The following ATXN7 variants were observed in gnomAD, a reference collection of about 807,000 sequenced individuals.
ATXN7 encodes ataxin-7.
A neutral mutation model predicts 70.5 loss-of-function variants in ATXN7; 12 were observed. The ratio of observed to expected loss-of-function variants is 0.17; its 90% CI spans 0.11 to 0.28. The LOEUF is 0.28. ATXN7 is among the 10% of genes least tolerant of loss of function. The probability of loss-of-function intolerance (pLI) is 1.00; values close to 1 mark genes in which losing one functional copy is unlikely to be tolerated. For synonymous variants in ATXN7, 498 were observed against 448.7 expected (o/e 1.11, Z -1.39); for missense variants, 1,256 against 1,131.7 (o/e 1.11, Z -1.58).
intron 1 of ATXN7, among the ~76,000 whole-genome samples, chr3:63,867,750 G>T (rs1030198732): frequency 6.6e-6 from 1 of 151,976 alleles, no homozygotes; most frequent in African/African-American, 2.4e-5. Flanking sequence ...AATTATCTAG[G>T]CGTGGTGGTG....
In ATXN7 at chr3:63,890,669, G is replaced by A. The variant is rs13067191; in HGVS notation, c.-110-7730G>A. Among the ~76,000 whole-genome samples the A allele has an allele frequency of 3.4e-3, 523 of 152,280 alleles. 1 individual carries two copies. Among genetic ancestry groups the A allele is most frequent in the Non-Finnish European group, 5.3e-3 (362 of 68,020 alleles). ...TAGTATACCTTCAATAAATTGTAGC[G>A]GTTGCTGTTGGTAATGAAAATTATG... On this transcript the variant is annotated intron_variant, in intron 1 of 12. Transcript: ENST00000674280.
At chr3:63,999,265 G>A (rs981829849) in intron 12 of ATXN7, 185 bp from the exon 13 acceptor site, 3 of 589,700 alleles carry the variant, frequency 5.1e-6, no homozygotes, top group Non-Finnish European at 9.1e-6. Flanking sequence ...ATTGTGCCCA[G>A]TAGTAGTGAA....
At chr3:63,912,420 C>CG (rs1487779248) in intron 2 of ATXN7, among the ~76,000 whole-genome samples, 168 bp from the exon 3 acceptor site, 3 of 149,982 alleles carry the variant, frequency 2.0e-5, no homozygotes, top group East Asian at 2.0e-4. Flanking sequence ...GAGCCCGGGG[C>CG]GGGGGGTGGC....
intron 5 of ATXN7, chr3:63,968,063 C>A: frequency 9.2e-7 from 1 of 1,081,510 alleles, no homozygotes; most frequent in Non-Finnish European, 1.4e-6. Flanking sequence ...TAGGTCTTTG[C>A]TAACCTTACA....
chr3:63,954,769 C>T (rs1158125478), intron 5 of ATXN7, among the ~76,000 whole-genome samples: 11 of 136,070 alleles, frequency 8.1e-5, no homozygotes, highest in Admixed American at 5.0e-4. Flanking sequence ...AGTGTAGTGG[C>T]GCCATCTCGG....
At chr3:63,974,704 T>C (rs545284319) in intron 5 of ATXN7, among the ~76,000 whole-genome samples, 1 of 152,372 alleles carries the variant, frequency 6.6e-6, no homozygotes, top group Non-Finnish European at 1.5e-5. Flanking sequence ...ATGTGGTTTC[T>C]ACACAGTACA....
At chr3:63,877,028 A>G (rs1466928799) in intron 1 of ATXN7, among the ~76,000 whole-genome samples, 1 of 152,228 alleles carries the variant, frequency 6.6e-6, no homozygotes, top group Admixed American at 6.5e-5. Context: ...CTTAAATTCA[A>G]TTTAGCATTC....
intron 1 of ATXN7, among the ~76,000 whole-genome samples, chr3:63,896,922 T>C (rs573952803): frequency 2.0e-4 from 31 of 152,196 alleles, no homozygotes; most frequent in Non-Finnish European, 3.5e-4. Context: ...AGATGGAAAA[T>C]TGAAAAATGG....
chr3:63,990,949 T>C (rs185091893), intron 11 of ATXN7, 90 bp downstream of exon 11: 18 of 1,588,766 alleles, frequency 1.1e-5, no homozygotes, highest in Middle Eastern at 1.7e-4. Context: ...TATGAAGATA[T>C]GCTTATCTAA....
At chr3:63,932,605 A>T (rs529024409) in intron 4 of ATXN7, among the ~76,000 whole-genome samples, 1 of 152,246 alleles carries the variant, frequency 6.6e-6, no homozygotes, top group Non-Finnish European at 1.5e-5. Flanking sequence ...ACAGTGTTGT[A>T]TTTGCCTAAG....
intron 5 of ATXN7, among the ~76,000 whole-genome samples, chr3:63,960,258 G>T (rs2075105903): frequency 1.3e-5 from 2 of 152,294 alleles, no homozygotes; most frequent in South Asian, 4.1e-4. Flanking sequence ...CAGTGAGGAG[G>T]CCTAAGGACA....
chr3:63,892,437 C>T (rs1032390802), intron 1 of ATXN7, among the ~76,000 whole-genome samples: 2 of 147,556 alleles, frequency 1.4e-5, no homozygotes, highest in Non-Finnish European at 3.0e-5. Flanking sequence ...AACAGGAGTA[C>T]TGGACTTTAA....
At chr3:63,968,052 G>A in intron 5 of ATXN7, 1 of 1,202,442 alleles carries the variant, frequency 8.3e-7, no homozygotes, top group Non-Finnish European at 1.2e-6. Flanking sequence ...GGACGGTGGG[G>A]TAGGTCTTTG....
At chr3:63,998,070 G>C (rs1043771257) in intron 12 of ATXN7, 2 of 985,248 alleles carry the variant, frequency 2.0e-6, no homozygotes, top group Admixed American at 1.2e-4. Context: ...CTTTGAGAGA[G>C]ACATGATCCC....
intron 9 of ATXN7, 74 bp from the exon 10 acceptor site, chr3:63,990,102 C>A: frequency 6.9e-7 from 1 of 1,451,344 alleles, no homozygotes. Context: ...TTTGGACACA[C>A]TGTTGTATCT....
chr3:63,966,623 C>T (rs1357168933), intron 5 of ATXN7, among the ~76,000 whole-genome samples: 2 of 152,096 alleles, frequency 1.3e-5, no homozygotes, highest in South Asian at 2.1e-4. Flanking sequence ...GTATTGTTGA[C>T]ATGGGTTGGG....
intron 4 of ATXN7, among the ~76,000 whole-genome samples, chr3:63,951,055 G>C (rs1303607339): frequency 1.3e-5 from 2 of 152,060 alleles, no homozygotes; most frequent in Non-Finnish European, 2.9e-5. Flanking sequence ...TTCTTTAGAG[G>C]GGGGATATAA....
At chr3:63,896,527 AG>A (rs1339309696) in intron 1 of ATXN7, among the ~76,000 whole-genome samples, 1 of 152,214 alleles carries the variant, frequency 6.6e-6, no homozygotes, top group Non-Finnish European at 1.5e-5. Flanking sequence ...CTTGTTGGCT[AG>A]GTAATCTTGA....
chr3:63,981,145 G>A lies in ATXN7; in HGVS notation c.752+978G>A, dbSNP rs77632023. 4.3e-3 allele frequency among the ~76,000 whole-genome samples: 659 copies of A among 152,326 alleles called. 3 individuals are homozygous for A. Among genetic ancestry groups the A allele is most frequent in the African/African-American group, 0.014 (600 of 41,576 alleles). ...CTCAGGGTAGGGTCCAGCACCTGCT[G>A]CTGCATAAGGACCTTGCCAGCTGGG... On this transcript the variant is annotated intron_variant, in intron 6 of 12. Transcript: ENST00000674280.
Sources: allele counts gnomAD v4.1 joint callset (sites outside exome capture counted in the v4.1 genomes callset), GRCh38; gene constraint gnomAD v4.1.1; transcripts MANE v1.5; gene names NCBI Gene and HGNC (gene_info 2026-07-23, HGNC 2026-07-21).